AIFM1: variants seen among roughly 807,000 people sequenced by gnomAD.
AIFM1 encodes the protein apoptosis-inducing factor 1, mitochondrial.
Under a neutral mutation model 51.7 loss-of-function variants are expected in AIFM1, and 3 were observed. The observed-to-expected ratio is 0.06, with a 90% CI of 0.03 to 0.15. The LOEUF (loss-of-function observed/expected upper bound fraction) is 0.15, where lower values mean the gene tolerates loss of function less well. Ranked by LOEUF, AIFM1 falls within the 10% of genes least tolerant of loss-of-function variation. The pLI, the probability that AIFM1 is intolerant of heterozygous loss-of-function variation, is 1.00. For missense variants in AIFM1, 330 were observed against 476.8 expected (o/e 0.69, Z 2.87); for synonymous variants, 178 against 179.4 (o/e 0.99, Z 0.06).
At chrX:130,156,669 T>G in intron 1 of AIFM1, 66 bp from the exon 2 acceptor site, 1 of 1,095,728 alleles carries the variant, frequency 9.1e-7, no homozygotes, top group South Asian at 1.8e-5. Context: ...TATTTATGAT[T>G]AAATGTCAAT....
At chrX:130,146,164 G>A (rs938608426) in intron 5 of AIFM1, among the ~76,000 whole-genome samples, 26 of 111,925 alleles carry the variant, frequency 2.3e-4, no homozygotes, top group African/African-American at 8.1e-4. Flanking sequence ...TTGGCTGAGT[G>A]CAGTGGCTCA....
At chrX:130,142,711 T>C (rs994378218) in intron 6 of AIFM1, among the ~76,000 whole-genome samples, 2 of 111,815 alleles carry the variant, frequency 1.8e-5, no homozygotes, top group South Asian at 7.4e-4. Context: ...ACTGATGCAA[T>C]CTTGGCTCAC....
At chrX:130,132,180 ACT>A (rs1159897437) in intron 13 of AIFM1, among the ~76,000 whole-genome samples, 6 of 111,335 alleles carry the variant, frequency 5.4e-5, no homozygotes, top group Non-Finnish European at 9.4e-5. Flanking sequence ...CCAACACCGC[ACT>A]CTTATGCCAA....
chrX:130,139,956 C>G, intron 7 of AIFM1, 85 bp from the exon 8 acceptor site: 1 of 812,472 alleles, frequency 1.2e-6, no homozygotes, highest in Non-Finnish European at 1.9e-6. Context: ...AAAGGTGGAG[C>G]CCTCTTCACT....
intron 3 of AIFM1, among the ~76,000 whole-genome samples, chrX:130,148,252 C>T (rs1000119357): frequency 1.1e-4 from 12 of 111,314 alleles, no homozygotes; most frequent in African/African-American, 3.9e-4. Flanking sequence ...TCAGTTTCAC[C>T]TTCCGTTAGC....
chrX:130,165,376 G>A (rs1402829460), intron 1 of AIFM1, among the ~76,000 whole-genome samples, 175 bp downstream of exon 1: 1 of 112,307 alleles, frequency 8.9e-6, no homozygotes, highest in East Asian at 2.8e-4. Flanking sequence ...AGGTCGGCAT[G>A]GCTGAGCCAA....
chrX:130,142,548 C>T (rs1415539877), intron 6 of AIFM1, among the ~76,000 whole-genome samples: 2 of 111,969 alleles, frequency 1.8e-5, no homozygotes, highest in South Asian at 3.8e-4. Flanking sequence ...ATTCTATGTC[C>T]TCTTCACGCT....
chrX:130,156,502 C>G lies in AIFM1; in HGVS notation c.208G>C (p.Val70Leu). The change falls in exon 2 of 16, where the codon GTC (valine) becomes CTC (leucine). Residue 70 changes from valine (V) to leucine (L), a missense_variant. By Grantham distance (32) the Val-to-Leu change is conservative (BLOSUM62 1). Coordinates refer to ENST00000287295, the MANE Select transcript of AIFM1 (RefSeq NM_004208.4). ...SGGKIDNSVL[V>L]LIVGLSTVGA... is the part of the protein sequence containing the mutation. ...ACTGTTGATAAGCCCACAATAAGGA[C>G]TAACACAGAATTATCGATTTTGCCC... 1 of 1,211,752 alleles carries G rather than the reference C, an allele frequency of 8.3e-7. No individual in the cohort carries two copies. The highest frequency in any genetic ancestry group is 1.1e-6 in the Non-Finnish European group (1 of 895,520).
intron 1 of AIFM1, among the ~76,000 whole-genome samples, chrX:130,162,454 G>A (rs1206364765): frequency 5.4e-5 from 6 of 112,079 alleles, no homozygotes; most frequent in Non-Finnish European, 1.1e-4. Context: ...GCAACTTTTG[G>A]AAACATGATC....
chrX:130,137,528 G>A, intron 9 of AIFM1: 1 of 1,165,576 alleles, frequency 8.6e-7, no homozygotes, highest in Non-Finnish European at 1.1e-6. Flanking sequence ...TCATATATCT[G>A]AAAAAGAACA....
intron 1 of AIFM1, among the ~76,000 whole-genome samples, chrX:130,156,815 T>G (rs2031179180): frequency 8.9e-6 from 1 of 111,740 alleles, no homozygotes; most frequent in Non-Finnish European, 1.9e-5. Context: ...AGAGTAAAAT[T>G]TAATGCTGTC....
intron 6 of AIFM1, among the ~76,000 whole-genome samples, chrX:130,142,151 G>C (rs1315295099): frequency 1.8e-5 from 2 of 111,925 alleles, no homozygotes; most frequent in Admixed American, 9.5e-5. Flanking sequence ...AATTTAACAA[G>C]CACTAACAAT....
chrX:130,164,307 G>A (rs1249416615), intron 1 of AIFM1, among the ~76,000 whole-genome samples: 1 of 112,651 alleles, frequency 8.9e-6, no homozygotes, highest in African/African-American at 3.2e-5. Flanking sequence ...GAGGTTTTAA[G>A]TTCCAAGAGC....
intron 1 of AIFM1, among the ~76,000 whole-genome samples, chrX:130,161,240 C>T (rs2031336730): frequency 2.7e-5 from 3 of 110,693 alleles, no homozygotes; most frequent in African/African-American, 9.9e-5. Context: ...CAGCCAGGTG[C>T]GGTGGCTCAC....
At chrX:130,148,468 T>C (rs2030833935) in intron 3 of AIFM1, among the ~76,000 whole-genome samples, 2 of 111,744 alleles carry the variant, frequency 1.8e-5, no homozygotes, top group East Asian at 2.8e-4. Context: ...AAAGCAAATA[T>C]ACCTTTAGCA....
At chrX:130,139,676 T>C (rs764171918) in intron 8 of AIFM1, 119 bp downstream of exon 8, 8 of 642,271 alleles carry the variant, frequency 1.2e-5, no homozygotes, top group Non-Finnish European at 2.1e-5. Context: ...ATAACAAGTC[T>C]GGAGAAGAGC....
intron 1 of AIFM1, among the ~76,000 whole-genome samples, chrX:130,159,880 GC>G (rs1433246807): frequency 9.2e-6 from 1 of 108,793 alleles, no homozygotes; most frequent in Non-Finnish European, 1.9e-5. Context: ...GAGTGCAGTG[GC>G]ACAATCTCGG....
chrX:130,146,599 T>C (rs955459436), intron 5 of AIFM1, among the ~76,000 whole-genome samples: 2 of 109,271 alleles, frequency 1.8e-5, no homozygotes, highest in African/African-American at 6.7e-5. Flanking sequence ...TTTGTAAAAT[T>C]TGGTCAGGTA....
chrX:130,133,036 C>G (rs1227183713), intron 13 of AIFM1, among the ~76,000 whole-genome samples: 2 of 111,614 alleles, frequency 1.8e-5, no homozygotes, highest in African/African-American at 6.5e-5. Context: ...GGTGCCATCT[C>G]CATTCATTCA....
Sources: allele counts gnomAD v4.1 joint callset (sites outside exome capture counted in the v4.1 genomes callset), GRCh38; gene constraint gnomAD v4.1.1; transcripts MANE v1.5; gene names NCBI Gene and HGNC (gene_info 2026-07-23, HGNC 2026-07-21).